The following WARS2 variants were observed in gnomAD, a reference collection of about 807,000 sequenced individuals.
WARS2 encodes tryptophanyl tRNA synthetase 2, mitochondrial.
In WARS2, 28 loss-of-function variants were observed where a neutral mutation model predicts 36.5. The observed-to-expected ratio is 0.77, with a 90% CI of 0.57 to 1.05. WARS2 has a LOEUF of 1.05. WARS2 is among the 50% of genes least tolerant of loss of function. WARS2 has a pLI of 0.00. For synonymous variants in WARS2, 174 were observed against 178.4 expected (o/e 0.98, Z 0.20); for missense variants, 435 against 456.8 (o/e 0.95, Z 0.44).
chr1:119,058,788 T>G (rs1364022501), intron 2 of WARS2, among the ~76,000 whole-genome samples: 1 of 136,560 alleles, frequency 7.3e-6, no homozygotes, highest in East Asian at 2.0e-4. Context: ...TGTGTCTTTA[T>G]AGCAGCATGA....
chr1:119,039,739 C>T (rs1220704449), intron 4 of WARS2, among the ~76,000 whole-genome samples: 1 of 152,040 alleles, frequency 6.6e-6, no homozygotes, highest in African/African-American at 2.4e-5. Flanking sequence ...TCTTCCATTC[C>T]TTTCTATTAT....
Position 119,129,984 on chromosome 1 carries a change from T to A in WARS2, c.90+10571A>T, listed in dbSNP as rs587773145. On this transcript the variant is annotated intron_variant, in intron 1 of 5. Coordinates refer to ENST00000235521, the MANE Select transcript of WARS2 (RefSeq NM_015836.4). ...TATCAAGGTGCAAAGAAAAATGAAG[T>A]TGCATTAGCTTACAAATGGCCTGTC... Among the ~76,000 whole-genome samples the A allele has an allele frequency of 7.2e-5, 11 of 152,268 alleles. No homozygotes were observed. The East Asian group carries it at 2.1e-3, about 29-fold the overall frequency.
Position 119,033,258 on chromosome 1 carries a change from C to T in WARS2, c.736G>A (p.Glu246Lys). Residue 246 changes from glutamate (E) to lysine (K), a missense_variant, in exon 6 of 6, where the codon GAG becomes AAG. Coordinates refer to ENST00000235521, the MANE Select transcript of WARS2 (RefSeq NM_015836.4). ...ATVRITDSPE[E>K]IVQKFRKAVT... ...GCCTTGCGGAATTTCTGCACTATCT[C>T]CTCTGGGCTGTCTGTTATTCGGACG... 6.2e-7 allele frequency: 1 copy of T among 1,614,254 alleles called. No homozygotes were observed. The highest frequency in any genetic ancestry group is 8.5e-7 in the Non-Finnish European group (1 of 1,180,042).
chr1:119,134,616 T>C (rs1656361142), intron 1 of WARS2, among the ~76,000 whole-genome samples: 1 of 152,066 alleles, frequency 6.6e-6, no homozygotes, highest in South Asian at 2.1e-4. Context: ...AAAAAAAAGA[T>C]AGAATATTGT....
At position 119,114,471 on chromosome 1, in the gene WARS2, A is replaced by T. The variant is rs148506693; in HGVS notation, c.90+26084T>A. Among the ~76,000 whole-genome samples the T allele has an allele frequency of 3.5e-4, 54 of 152,340 alleles. No individual in the cohort carries two copies. In the East Asian group the frequency reaches 3.9e-3, roughly 11 times the overall value. ...AGTTCTGGAGTAAAGTCCCTAAATG[A>T]GGAGAAGATAGGAGTACTGACAGTA... On this transcript the variant is annotated intron_variant, in intron 1 of 5. Coordinates refer to ENST00000235521, the MANE Select transcript of WARS2 (RefSeq NM_015836.4).
At chr1:119,048,527 C>T (rs1649050120) in intron 2 of WARS2, among the ~76,000 whole-genome samples, 1 of 152,110 alleles carries the variant, frequency 6.6e-6, no homozygotes, top group African/African-American at 2.4e-5. Context: ...AACCCAGTTT[C>T]CCTCAATGGC....
chr1:119,096,937 T>C (rs751424178), intron 1 of WARS2, among the ~76,000 whole-genome samples: 4 of 152,338 alleles, frequency 2.6e-5, no homozygotes, highest in African/African-American at 9.6e-5. Context: ...GTACCACACG[T>C]GATACCATTG....
At chr1:119,038,356 G>A (rs1464533139) in intron 4 of WARS2, among the ~76,000 whole-genome samples, 1 of 152,182 alleles carries the variant, frequency 6.6e-6, no homozygotes, top group Non-Finnish European at 1.5e-5. Flanking sequence ...TCAAGAACTG[G>A]AAGTTTCCAA....
At chr1:119,033,711 T>C (rs1406482385) in intron 5 of WARS2, among the ~76,000 whole-genome samples, 2 of 152,238 alleles carry the variant, frequency 1.3e-5, no homozygotes, top group African/African-American at 2.4e-5. Context: ...AGGTTATGTG[T>C]GTTAAATGCA....
At chr1:119,120,407 T>C (rs1427365660) in intron 1 of WARS2, among the ~76,000 whole-genome samples, 5 of 150,974 alleles carry the variant, frequency 3.3e-5, no homozygotes, top group African/African-American at 1.2e-4. Context: ...GAAACAGTAA[T>C]AAAAAACATT....
At chr1:119,052,506 C>T (rs893491381) in intron 2 of WARS2, among the ~76,000 whole-genome samples, 1 of 152,218 alleles carries the variant, frequency 6.6e-6, no homozygotes, top group Non-Finnish European at 1.5e-5. Context: ...TTCAACTGGT[C>T]TTCCCCCACT....
chr1:119,084,483 GA>G (rs1290617572), intron 1 of WARS2, among the ~76,000 whole-genome samples: 1 of 152,004 alleles, frequency 6.6e-6, no homozygotes, highest in Non-Finnish European at 1.5e-5. Context: ...ACGTTGCAAG[GA>G]AAAAACTTGG....
intron 1 of WARS2, among the ~76,000 whole-genome samples, chr1:119,083,751 C>T (rs1234273204): frequency 6.6e-6 from 1 of 151,934 alleles, no homozygotes; most frequent in Non-Finnish European, 1.5e-5. Context: ...CTTTTTTTGT[C>T]TTAGATGCTT....
intron 2 of WARS2, among the ~76,000 whole-genome samples, chr1:119,046,007 T>A (rs886978191): frequency 4.6e-5 from 7 of 150,798 alleles, no homozygotes; most frequent in South Asian, 2.1e-4. Context: ...ACACACACAC[T>A]CTCTCTCTCT....
At chr1:119,040,905 T>C (rs538709330) in intron 4 of WARS2, among the ~76,000 whole-genome samples, 228 of 152,344 alleles carry the variant, frequency 1.5e-3, no homozygotes, top group African/African-American at 5.2e-3. Context: ...TGGAGAATAT[T>C]GTTCTAGCCT....
At chr1:119,131,611 C>T (rs761860853) in intron 1 of WARS2, among the ~76,000 whole-genome samples, 5 of 151,892 alleles carry the variant, frequency 3.3e-5, no homozygotes, top group African/African-American at 4.8e-5. Context: ...TGCAGGCGCC[C>T]GCCACCACGC....
intron 2 of WARS2, among the ~76,000 whole-genome samples, chr1:119,052,630 G>A (rs1649460507): frequency 6.6e-6 from 1 of 152,118 alleles, no homozygotes; most frequent in African/African-American, 2.4e-5. Context: ...GGCTGTTCTT[G>A]ATTTAAAAGT....
intron 1 of WARS2, among the ~76,000 whole-genome samples, chr1:119,120,814 T>C (rs1266223130): frequency 1.3e-5 from 2 of 152,114 alleles, no homozygotes; most frequent in Non-Finnish European, 2.9e-5. Context: ...TCTCAACAGA[T>C]GCAGAAAAAG....
intron 2 of WARS2, among the ~76,000 whole-genome samples, chr1:119,066,393 G>C (rs916819154): frequency 7.3e-5 from 11 of 151,164 alleles, no homozygotes. Flanking sequence ...CAGGAGAATG[G>C]CGTGAACCTG....
Sources: allele counts gnomAD v4.1 joint callset (sites outside exome capture counted in the v4.1 genomes callset), GRCh38; gene constraint gnomAD v4.1.1; transcripts MANE v1.5; gene names NCBI Gene and HGNC (gene_info 2026-07-23, HGNC 2026-07-21).